KCNK2: variants seen among roughly 807,000 people sequenced by gnomAD.
KCNK2 encodes the protein potassium two pore domain channel subfamily K member 2, also known as potassium channel subfamily K member 2.
KCNK2 carries 21 observed loss-of-function variants against 40.5 expected under a neutral mutation model. The ratio of observed to expected loss-of-function variants is 0.52; its 90% confidence interval spans 0.37 to 0.75. KCNK2 has a LOEUF of 0.75. Among genes scored for constraint, KCNK2 ranks in the 30% least tolerant of loss-of-function variants. KCNK2 has a pLI of 0.00. For missense variants in KCNK2, 399 were observed against 531.6 expected (o/e 0.75, Z 2.45); for synonymous variants, 191 against 202.2 (o/e 0.94, Z 0.47).
chr1:215,017,390 T>C (rs1264873478), intron 1 of KCNK2, among the ~76,000 whole-genome samples: 1 of 152,092 alleles, frequency 6.6e-6, no homozygotes, highest in Non-Finnish European at 1.5e-5. Context: ...ATATGAACAA[T>C]AGAATACTGT....
chr1:215,096,702 A>T (rs983165818), intron 2 of KCNK2, among the ~76,000 whole-genome samples: 5 of 151,962 alleles, frequency 3.3e-5, no homozygotes, highest in Non-Finnish European at 5.9e-5. Context: ...ACATGTTTTG[A>T]TAGGCAACAC....
intron 1 of KCNK2, among the ~76,000 whole-genome samples, chr1:215,041,678 T>C (rs1657568617): frequency 6.6e-6 from 1 of 152,210 alleles, no homozygotes; most frequent in African/African-American, 2.4e-5. Flanking sequence ...TGTGCCTGGA[T>C]TGTGCACAAA....
At chr1:215,115,962 T>G (rs1233524789) in intron 2 of KCNK2, among the ~76,000 whole-genome samples, 1 of 151,598 alleles carries the variant, frequency 6.6e-6, no homozygotes, top group Non-Finnish European at 1.5e-5. Context: ...CATGTTTTTT[T>G]TTTTTTTTTT....
chr1:215,026,152 T>G (rs1295238726), intron 1 of KCNK2, among the ~76,000 whole-genome samples: 1 of 152,074 alleles, frequency 6.6e-6, no homozygotes, highest in Non-Finnish European at 1.5e-5. Context: ...TACTCAACTG[T>G]GAATAGCTTA....
At chr1:215,199,716 A>G (rs975314138) in intron 6 of KCNK2, among the ~76,000 whole-genome samples, 1 of 152,228 alleles carries the variant, frequency 6.6e-6, no homozygotes, top group Admixed American at 6.5e-5. Flanking sequence ...TTTACAAAAT[A>G]AAACTTATTT....
intron 1 of KCNK2, among the ~76,000 whole-genome samples, chr1:215,021,790 C>T (rs953013765): frequency 1.3e-5 from 2 of 152,080 alleles, no homozygotes; most frequent in African/African-American, 4.8e-5. Flanking sequence ...CCTCGTCATC[C>T]GCCCGCCTCG....
At chr1:215,209,476 T>TTATATTATATATAATATATATTA (rs1665516734) in intron 6 of KCNK2, among the ~76,000 whole-genome samples, 1 of 43,194 alleles carries the variant, frequency 2.3e-5, no homozygotes. Context: ...ATAATATATA[T>TTATATTATATATAATATATATTA]TATATATAAT....
chr1:215,086,798 T>C, intron 2 of KCNK2, 120 bp downstream of exon 2: 1 of 838,108 alleles, frequency 1.2e-6, no homozygotes, highest in Non-Finnish European at 1.9e-6. Flanking sequence ...TCCCACCTCA[T>C]TTGCCTTAAC....
intron 1 of KCNK2, among the ~76,000 whole-genome samples, chr1:215,055,851 A>G (rs1253618212): frequency 2.0e-5 from 3 of 152,160 alleles, no homozygotes; most frequent in African/African-American, 4.8e-5. Flanking sequence ...TATACATGGC[A>G]TTGTCCTTGA....
intron 2 of KCNK2, among the ~76,000 whole-genome samples, chr1:215,090,928 A>AG (rs1659666463): frequency 6.6e-6 from 1 of 152,120 alleles, no homozygotes; most frequent in Non-Finnish European, 1.5e-5. Context: ...GCATTTACTG[A>AG]GGACCTCCAA....
chr1:215,140,515 C>T (rs1486035998), intron 3 of KCNK2, among the ~76,000 whole-genome samples: 2 of 152,156 alleles, frequency 1.3e-5, no homozygotes, highest in Non-Finnish European at 2.9e-5. Context: ...AGGCTACAGA[C>T]AGGTGCAGCA....
chr1:215,154,610 A>G (rs914764451), intron 3 of KCNK2, among the ~76,000 whole-genome samples: 4 of 151,816 alleles, frequency 2.6e-5, no homozygotes, highest in African/African-American at 7.3e-5. Flanking sequence ...CAATTTTGGT[A>G]TTTGTTGCAA....
chr1:215,039,940 C>G (rs573451360), intron 1 of KCNK2, among the ~76,000 whole-genome samples: 34 of 152,222 alleles, frequency 2.2e-4, no homozygotes, highest in African/African-American at 7.7e-4. Flanking sequence ...TTACAATTAA[C>G]TGGAGACTGA....
chr1:215,181,239 A>G (rs1282432487), intron 5 of KCNK2, among the ~76,000 whole-genome samples: 1 of 151,982 alleles, frequency 6.6e-6, no homozygotes, highest in Non-Finnish European at 1.5e-5. Flanking sequence ...TAATATGTTT[A>G]TCTCTTACAC....
intron 2 of KCNK2, among the ~76,000 whole-genome samples, chr1:215,087,727 G>C (rs954325408): frequency 6.6e-6 from 1 of 152,160 alleles, no homozygotes. Flanking sequence ...TACATTGTTT[G>C]AATGAGTTGG....
chr1:215,118,480 T>C (rs550915380), intron 2 of KCNK2, among the ~76,000 whole-genome samples: 1 of 152,256 alleles, frequency 6.6e-6, no homozygotes, highest in South Asian at 2.1e-4. Flanking sequence ...TCACATGTAG[T>C]GTTGTGGATG....
At chr1:215,196,209 G>A (rs989731491) in intron 6 of KCNK2, among the ~76,000 whole-genome samples, 5 of 151,724 alleles carry the variant, frequency 3.3e-5, no homozygotes, top group South Asian at 4.2e-4. Flanking sequence ...TCAGCCTCCC[G>A]AGTATCTGGG....
chr1:215,174,694 G>C lies in KCNK2; in HGVS notation c.823+2511G>C, dbSNP rs145132358. On this transcript the variant is annotated intron_variant, in intron 5 of 6. Transcript: ENST00000444842. ...CTTGAAGAGGTCCTTCACATCCCTT[G>C]TAAGTTGGATTCCTGGATATTTTAT... Among the ~76,000 whole-genome samples the C allele has an allele frequency of 6.6e-3, 998 of 152,252 alleles. 7 individuals are homozygous for C. Among genetic ancestry groups the C allele is most frequent in the Non-Finnish European group, 9.7e-3 (662 of 68,024 alleles).
intron 6 of KCNK2, among the ~76,000 whole-genome samples, chr1:215,196,980 T>G (rs984599747): frequency 1.3e-5 from 2 of 152,158 alleles, no homozygotes; most frequent in African/African-American, 4.8e-5. Context: ...AGTATTGTTT[T>G]GCGATACACA....
Sources: allele counts gnomAD v4.1 joint callset (sites outside exome capture counted in the v4.1 genomes callset), GRCh38; gene constraint gnomAD v4.1.1; transcripts MANE v1.5; gene names NCBI Gene and HGNC (gene_info 2026-07-23, HGNC 2026-07-21).